GRM8: variants seen among roughly 807,000 people sequenced by gnomAD.
The protein encoded by GRM8 is metabotropic glutamate receptor 8.
A neutral mutation model predicts 87.2 loss-of-function variants in GRM8; 47 were observed. That is an observed-to-expected ratio of 0.54 (90% CI 0.43 to 0.69). The LOEUF (loss-of-function observed/expected upper bound fraction) is 0.69, where lower values mean the gene tolerates loss of function less well. Among genes scored for constraint, GRM8 ranks in the 30% least tolerant of loss-of-function variants. The pLI is 0.00. For synonymous variants in GRM8, 396 were observed against 404.5 expected (o/e 0.98, Z 0.25); for missense variants, 1,019 against 1,139.2 (o/e 0.89, Z 1.52).
At chr7:126,794,325 G>A (rs1254031722) in intron 6 of GRM8, among the ~76,000 whole-genome samples, 1 of 152,040 alleles carries the variant, frequency 6.6e-6, no homozygotes, top group East Asian at 1.9e-4. Context: ...AATTGTTAGT[G>A]GCAATTCCCA....
intron 3 of GRM8, among the ~76,000 whole-genome samples, chr7:126,921,173 C>T (rs962045846): frequency 2.6e-5 from 4 of 152,006 alleles, no homozygotes; most frequent in African/African-American, 9.7e-5. Context: ...TCCTCAGAGA[C>T]AAGAAGTGTG....
At chr7:126,826,055 A>G (rs1486925747) in intron 6 of GRM8, among the ~76,000 whole-genome samples, 1 of 152,054 alleles carries the variant, frequency 6.6e-6, no homozygotes, top group Non-Finnish European at 1.5e-5. Flanking sequence ...TGAACTCATC[A>G]TTTTTTATGG....
chr7:126,905,443 G>T (rs1802579746), intron 3 of GRM8, among the ~76,000 whole-genome samples: 1 of 152,166 alleles, frequency 6.6e-6, no homozygotes, highest in African/African-American at 2.4e-5. Flanking sequence ...TCCCCCAGTT[G>T]CAGTGAAACA....
intron 3 of GRM8, among the ~76,000 whole-genome samples, chr7:127,029,519 G>A (rs1338968918): frequency 6.6e-6 from 1 of 152,172 alleles, no homozygotes; most frequent in Non-Finnish European, 1.5e-5. Context: ...GGGTGCTCCT[G>A]TATTGGGTGC....
chr7:127,115,177 C>A (rs1826627273), intron 2 of GRM8, among the ~76,000 whole-genome samples: 1 of 152,122 alleles, frequency 6.6e-6, no homozygotes, highest in Admixed American at 6.5e-5. Flanking sequence ...AGCCAGAGAG[C>A]AAGAGAACTT....
At chr7:126,710,546 A>G (rs1401641860) in intron 7 of GRM8, among the ~76,000 whole-genome samples, 1 of 152,210 alleles carries the variant, frequency 6.6e-6, no homozygotes, top group Non-Finnish European at 1.5e-5. Context: ...ATCATCCATA[A>G]GAAGGTACTC....
chr7:127,076,272 T>G (rs1273353937), intron 3 of GRM8: 4 of 454,534 alleles, frequency 8.8e-6, no homozygotes, highest in African/African-American at 6.0e-5. Context: ...GCAAATAGAC[T>G]TTTAATGCTG....
At chr7:126,770,267 G>A (rs1020261813) in intron 6 of GRM8, among the ~76,000 whole-genome samples, 7 of 152,082 alleles carry the variant, frequency 4.6e-5, no homozygotes, top group Non-Finnish European at 8.8e-5. Context: ...TATTTCATTA[G>A]CAACAAAAAG....
intron 2 of GRM8, among the ~76,000 whole-genome samples, chr7:127,218,590 G>A (rs1796716801): frequency 6.6e-6 from 1 of 152,226 alleles, no homozygotes; most frequent in Admixed American, 6.5e-5. Flanking sequence ...GGAACCTGGT[G>A]CATAGTGAGC....
intron 3 of GRM8, among the ~76,000 whole-genome samples, chr7:126,936,885 A>T (rs1259489916): frequency 6.6e-6 from 1 of 152,192 alleles, no homozygotes; most frequent in Non-Finnish European, 1.5e-5. Context: ...AAAGAAAGAA[A>T]TTTCTAGCTT....
At chr7:126,692,449 T>C (rs886676344) in intron 7 of GRM8, among the ~76,000 whole-genome samples, 1 of 152,218 alleles carries the variant, frequency 6.6e-6, no homozygotes, top group African/African-American at 2.4e-5. Context: ...GCCCTCTCCA[T>C]GTCCTTGATG....
At chr7:127,224,656 CTCT>C (rs1797196538) in intron 2 of GRM8, among the ~76,000 whole-genome samples, 1 of 152,210 alleles carries the variant, frequency 6.6e-6, no homozygotes. Context: ...TTTGCTTCTC[CTCT>C]TGAGTTTTCT....
rs1315927898 is a variant in GRM8 at position 126,438,929 on chromosome 7, T to C, written c.*190A>G. 1.9e-6 allele frequency: 1 copy of C among 539,134 alleles called. No individual in the cohort carries two copies. Among genetic ancestry groups the C allele is most frequent in the African/African-American group, 1.9e-5 (1 of 52,602 alleles). 33.4% of individuals were successfully genotyped at this position (539,134 alleles called of 1,614,324 possible). Reference sequence around the variant, plus strand: ...CTTGACACTCATTGGTTTTATTGTATAAAACGGGTTTCTTCACTCCCCGTT... The same window carrying C: ...CTTGACACTCATTGGTTTTATTGTACAAAACGGGTTTCTTCACTCCCCGTT... On this transcript the variant is annotated 3_prime_UTR_variant, in exon 11 of 11. Coordinates refer to ENST00000339582, the MANE Select transcript of GRM8 (RefSeq NM_000845.3).
At chr7:126,620,027 G>T (rs370088274) in intron 7 of GRM8, among the ~76,000 whole-genome samples, 3 of 128,060 alleles carry the variant, frequency 2.3e-5, no homozygotes, top group African/African-American at 8.0e-5. Flanking sequence ...TTTTCACACT[G>T]GGTGCAGTGG....
chr7:126,685,121 G>A lies in GRM8; in HGVS notation c.1358-75623C>T, dbSNP rs541289016. Among the ~76,000 whole-genome samples the A allele has an allele frequency of 3.7e-4, 57 of 152,284 alleles. No individual in the cohort carries two copies. Among genetic ancestry groups the A allele is most frequent in the African/African-American group, 1.0e-3 (42 of 41,582 alleles). ...CCGGGCAGTACCCACTCCAGGCCCC[G>A]GCCCCGCTTGCCACTCTTGACAGCC... On this transcript the variant is annotated intron_variant, in intron 7 of 10. Coordinates refer to ENST00000339582, the MANE Select transcript of GRM8 (RefSeq NM_000845.3). This position sits in a 1 kb window ranked among gnomAD's most constrained non-coding sequence, Gnocchi z 4.2.
rs73722631 is a variant in GRM8 at position 126,495,988 on chromosome 7, C to G, written c.2430+36964G>C. On this transcript the variant is annotated intron_variant, in intron 9 of 10. Transcript: ENST00000339582. ...AAGCTCAAAGCCAAATACTTCAAAACTGAAGGGACTGAATTCAGTGGTCTT... is the reference window on the plus strand; with the variant it reads ...AAGCTCAAAGCCAAATACTTCAAAAGTGAAGGGACTGAATTCAGTGGTCTT... Among the ~76,000 whole-genome samples, 658 of 152,058 alleles carry G rather than the reference C, an allele frequency of 4.3e-3. 2 individuals carry two copies. Among genetic ancestry groups the G allele is most frequent in the African/African-American group, 0.015 (635 of 41,540 alleles).
At chr7:126,974,936 CAAAAAAAAAAAA>C (rs36129145) in intron 3 of GRM8, among the ~76,000 whole-genome samples, 4 of 59,606 alleles carry the variant, frequency 6.7e-5, no homozygotes, top group African/African-American at 1.3e-4. Flanking sequence ...ACTCTTGTCT[CAAAAAAAAAAAA>C]AAAAAAAAAA....
intron 2 of GRM8, among the ~76,000 whole-genome samples, chr7:127,218,600 C>T (rs758280913): frequency 5.9e-5 from 9 of 152,156 alleles, no homozygotes; most frequent in Non-Finnish European, 7.3e-5. Context: ...GCATAGTGAG[C>T]GTCAGCCATG....
chr7:126,655,305 CTA>C (rs1804389154), intron 7 of GRM8, among the ~76,000 whole-genome samples: 1 of 152,156 alleles, frequency 6.6e-6, no homozygotes, highest in African/African-American at 2.4e-5. Context: ...TCCACTTATC[CTA>C]TGAGATCCCA....
Sources: allele counts gnomAD v4.1 joint callset (sites outside exome capture counted in the v4.1 genomes callset), GRCh38; gene constraint gnomAD v4.1.1; non-coding constraint Gnocchi (gnomAD v3.1); transcripts MANE v1.5; gene names NCBI Gene and HGNC (gene_info 2026-07-23, HGNC 2026-07-21).